The following CSMD1 variants were observed in gnomAD, a reference collection of about 807,000 sequenced individuals.
CSMD1 encodes CUB and Sushi multiple domains 1, also known as CUB and sushi domain-containing protein 1.
In CSMD1, 213 loss-of-function variants were observed where a neutral mutation model predicts 417.5. That is an observed-to-expected ratio of 0.51 (90% CI 0.46 to 0.57). The LOEUF (loss-of-function observed/expected upper bound fraction) is 0.57, where lower values mean the gene tolerates loss of function less well. Among genes scored for constraint, CSMD1 ranks in the 20% least tolerant of loss-of-function variants. The probability of loss-of-function intolerance (pLI) is 0.00; values close to 1 mark genes in which losing one functional copy is unlikely to be tolerated. For missense variants in CSMD1, 6,923 were observed against 4,529.7 expected (o/e 1.53, Z -15.17); for synonymous variants, 2,862 against 1,736.8 (o/e 1.65, Z -16.11).
At chr8:3,855,973 A>G (rs541327159) in intron 5 of CSMD1, among the ~76,000 whole-genome samples, 4 of 152,282 alleles carry the variant, frequency 2.6e-5, no homozygotes, top group East Asian at 1.9e-4. Context: ...GAGTTTCATG[A>G]TATCTGTCAG....
intron 50 of CSMD1, among the ~76,000 whole-genome samples, chr8:3,047,631 ACT>A (rs1354656974): frequency 3.3e-5 from 5 of 151,984 alleles, no homozygotes; most frequent in Admixed American, 2.0e-4. Flanking sequence ...TCTTTTCGAA[ACT>A]CTCTGCTTCT....
chr8:4,285,848 G>C (rs1019789078), intron 3 of CSMD1, among the ~76,000 whole-genome samples: 2 of 152,226 alleles, frequency 1.3e-5, no homozygotes, highest in Admixed American at 6.5e-5. Context: ...ATTTTAATCA[G>C]GAACAAAATC....
chr8:3,422,155 A>G (rs1327728336), intron 12 of CSMD1, among the ~76,000 whole-genome samples: 2 of 152,140 alleles, frequency 1.3e-5, no homozygotes, highest in Non-Finnish European at 2.9e-5. Flanking sequence ...CCAGTGTTTC[A>G]TTCCTTTGAA....
chr8:2,965,970 C>A lies in CSMD1; in HGVS notation c.9101-16G>T, dbSNP rs2670093. The stretch of plus-strand genomic sequence containing the variant: ...CAACTTATAACTAATAAACAGGGAA[C>A]AGGAAAGAATCAGAGAAATTCATTT... On this transcript the variant is annotated splice_polypyrimidine_tract_variant and intron_variant, in intron 58 of 69. Coordinates refer to ENST00000635120, the MANE Select transcript of CSMD1 (RefSeq NM_033225.6). 1 of 1,585,804 alleles carries A rather than the reference C, an allele frequency of 6.3e-7. No homozygotes were observed.
chr8:4,423,247 G>T (rs1049712646), intron 2 of CSMD1, among the ~76,000 whole-genome samples: 1 of 151,982 alleles, frequency 6.6e-6, no homozygotes, highest in Non-Finnish European at 1.5e-5. Flanking sequence ...ATGCGTATGG[G>T]TCAGATAGGA....
chr8:3,334,096 A>T (rs1175086267), intron 23 of CSMD1, among the ~76,000 whole-genome samples: 1 of 152,212 alleles, frequency 6.6e-6, no homozygotes, highest in East Asian at 1.9e-4. Flanking sequence ...TATGAGACGC[A>T]CACAGAGTGT....
At chr8:3,005,175 A>C (rs1418306536) in intron 52 of CSMD1, among the ~76,000 whole-genome samples, 1 of 152,034 alleles carries the variant, frequency 6.6e-6, no homozygotes, top group Non-Finnish European at 1.5e-5. Context: ...ATACGGTGAA[A>C]CTTCAGAACC....
At chr8:3,926,968 C>A (rs538385308) in intron 5 of CSMD1, among the ~76,000 whole-genome samples, 71 of 151,928 alleles carry the variant, frequency 4.7e-4, no homozygotes, top group Non-Finnish European at 8.1e-4. Context: ...CCCACCTCGG[C>A]CTCCCAAAGT....
At chr8:4,120,029 A>C (rs1172982031) in intron 3 of CSMD1, among the ~76,000 whole-genome samples, 3 of 152,180 alleles carry the variant, frequency 2.0e-5, no homozygotes, top group Admixed American at 6.5e-5. Context: ...ATGATAATTT[A>C]ATTGCACATT....
chr8:3,669,857 G>C (rs188372822), intron 7 of CSMD1, among the ~76,000 whole-genome samples: 2 of 152,140 alleles, frequency 1.3e-5, no homozygotes, highest in East Asian at 1.9e-4. Context: ...CCATGAACAG[G>C]AGGGGCCCAG....
At chr8:3,159,619 A>G (rs1819754891) in intron 38 of CSMD1, among the ~76,000 whole-genome samples, 1 of 152,230 alleles carries the variant, frequency 6.6e-6, no homozygotes, top group Admixed American at 6.5e-5. Context: ...TAGCAATTCA[A>G]AAAAAATCCA....
At chr8:3,783,111 C>A (rs1315803673) in intron 5 of CSMD1, among the ~76,000 whole-genome samples, 1 of 152,152 alleles carries the variant, frequency 6.6e-6, no homozygotes, top group African/African-American at 2.4e-5. Flanking sequence ...CCACCATCCT[C>A]CCTTCTCGGG....
rs368160807 is a variant in CSMD1, at chr8:3,525,237, C to G, written c.1345-31511G>C. 2.6e-5 allele frequency among the ~76,000 whole-genome samples: 4 copies of G among 152,242 alleles called. No individual in the cohort carries two copies. The East Asian group carries it at 5.8e-4, about 22-fold the overall frequency. ...ATTTGACCTTCCTTAGGGGAGATAG[C>G]ATCCCTGGAACTGAGGGTCCTTAAA... On this transcript the variant is annotated intron_variant, in intron 10 of 69. Transcript: ENST00000635120.
chr8:3,237,164 T>C lies in CSMD1; in HGVS notation c.4154-6933A>G, dbSNP rs144482001. On this transcript the variant is annotated intron_variant, in intron 26 of 69. Transcript: ENST00000635120. ...TTTGCAACTAGATAAGAGAGATATATATATAGTCTCACAACTTTGCAGGCC... is the reference window on the plus strand; with the variant it reads ...TTTGCAACTAGATAAGAGAGATATACATATAGTCTCACAACTTTGCAGGCC... Among the ~76,000 whole-genome samples the C allele has an allele frequency of 4.4e-4, 67 of 151,802 alleles. 1 individual carries two copies. In the Middle Eastern group the frequency reaches 0.01, roughly 23 times the overall value.
At chr8:3,418,158 G>T (rs139909669) in intron 12 of CSMD1, among the ~76,000 whole-genome samples, 3 of 152,118 alleles carry the variant, frequency 2.0e-5, no homozygotes, top group Non-Finnish European at 2.9e-5. Context: ...TGATTCCAAA[G>T]GTGTAGTCAA....
chr8:3,893,929 T>G (rs1049275696), intron 5 of CSMD1, among the ~76,000 whole-genome samples: 3 of 152,172 alleles, frequency 2.0e-5, no homozygotes, highest in African/African-American at 2.4e-5. Flanking sequence ...CATGTACAGT[T>G]ACCGCACGTG....
chr8:4,248,891 A>G (rs1393629406), intron 3 of CSMD1, among the ~76,000 whole-genome samples: 2 of 152,152 alleles, frequency 1.3e-5, no homozygotes, highest in Admixed American at 1.3e-4. Flanking sequence ...TGTTGGAAAA[A>G]AAAATCCATT....
chr8:3,450,667 G>T (rs964858461), intron 12 of CSMD1, among the ~76,000 whole-genome samples: 1 of 151,894 alleles, frequency 6.6e-6, no homozygotes, highest in Non-Finnish European at 1.5e-5. Context: ...TGGCTGCGTA[G>T]TATTCCATGG....
chr8:3,033,164 A>C (rs10112717), intron 50 of CSMD1, among the ~76,000 whole-genome samples: 2 of 151,808 alleles, frequency 1.3e-5, no homozygotes, highest in African/African-American at 2.4e-5. Context: ...ATAACACTTA[A>C]CTGTACCAAA....
Sources: gnomAD v4.1 joint callset for allele counts (sites outside exome capture counted in the v4.1 genomes callset) on GRCh38, gnomAD v4.1.1 for gene constraint, MANE v1.5 for transcripts, NCBI Gene and HGNC (gene_info 2026-07-23, HGNC 2026-07-21) for gene names.